The following HOXC4 variants were observed in gnomAD, a reference collection of about 807,000 sequenced individuals.
The protein encoded by HOXC4 is homeobox C4.
HOXC4 carries 15 observed loss-of-function variants against 25.5 expected under a neutral mutation model. That is an observed-to-expected ratio of 0.59 (90% confidence interval 0.39 to 0.91). The LOEUF is 0.91. Among genes scored for constraint, HOXC4 ranks in the 40% least tolerant of loss-of-function variants. The pLI, the probability that HOXC4 is intolerant of heterozygous loss-of-function variation, is 0.00. For missense variants in HOXC4, 342 were observed against 352.4 expected (o/e 0.97, Z 0.24); for synonymous variants, 165 against 148.0 (o/e 1.11, Z -0.83).
At chr12:54,050,225 T>C (rs144892269), upstream of HOXC4, among the ~76,000 whole-genome samples, 30 of 152,142 alleles carry the variant, frequency 2.0e-4, no homozygotes, top group African/African-American at 7.2e-4. Context: ...CCAGGCACAA[T>C]AAGGCCTCAC....
At chr12:54,032,940 C>T in intron 1 of HOXC4, 1 of 563,584 alleles carries the variant, frequency 1.8e-6, no homozygotes, top group Non-Finnish European at 3.1e-6. Flanking sequence ...TTATGAGTGG[C>T]CGCTCGAGTC....
chr12:54,029,201 G>A (rs1222814250), intron 1 of HOXC4, among the ~76,000 whole-genome samples: 1 of 152,162 alleles, frequency 6.6e-6, no homozygotes, highest in Non-Finnish European at 1.5e-5. Context: ...GAAGATAGGG[G>A]AGCCCCCCAA....
chr12:54,048,352 A>G (rs1380781225), intron 1 of HOXC4, among the ~76,000 whole-genome samples: 1 of 152,008 alleles, frequency 6.6e-6, no homozygotes, highest in African/African-American at 2.4e-5. Context: ...CCCCAACTTC[A>G]CTATGGTTGG....
chr12:54,029,642 C>G lies in HOXC4; in HGVS notation c.-124+12228C>G, dbSNP rs766189183. On this transcript the variant is annotated intron_variant, in intron 1 of 3. Transcript: ENST00000303406. Reference sequence around the variant, plus strand: ...CTGATTGCTTTTAGTGTGTTTTGTGCCCGGATCTTTAGGGGTCGGCTACGG... The same window carrying G: ...CTGATTGCTTTTAGTGTGTTTTGTGGCCGGATCTTTAGGGGTCGGCTACGG... 13 of 1,607,570 alleles carry G rather than the reference C, an allele frequency of 8.1e-6. No individual in the cohort carries two copies. In the South Asian group the frequency reaches 1.4e-4, roughly 18 times the overall value.
chr12:54,020,768 A>C (rs567130173), intron 1 of HOXC4: 1 of 152,282 alleles, frequency 6.6e-6, no homozygotes, highest in South Asian at 2.1e-4. Flanking sequence ...ATATGTGCTC[A>C]CTGGAATCGG....
At chr12:54,041,868 G>A (rs1261192204) in intron 1 of HOXC4, among the ~76,000 whole-genome samples, 1 of 151,900 alleles carries the variant, frequency 6.6e-6, no homozygotes, top group South Asian at 2.1e-4. Flanking sequence ...GCAGAGATGA[G>A]ATTTAATCAT....
intron 1 of HOXC4, among the ~76,000 whole-genome samples, chr12:54,047,265 A>G (rs948786875): frequency 6.6e-6 from 1 of 152,232 alleles, no homozygotes; most frequent in African/African-American, 2.4e-5. Context: ...TAACCCACAC[A>G]GGGAACGTTT....
chr12:54,041,479 G>C (rs996832772), intron 1 of HOXC4, among the ~76,000 whole-genome samples: 1 of 152,200 alleles, frequency 6.6e-6, no homozygotes, highest in Non-Finnish European at 1.5e-5. Context: ...GGCATTAAGA[G>C]TACAAGAATG....
intron 1 of HOXC4, among the ~76,000 whole-genome samples, chr12:54,027,683 T>A (rs1940784952): frequency 6.6e-6 from 1 of 151,778 alleles, no homozygotes; most frequent in Non-Finnish European, 1.5e-5. Context: ...GCTGGAAGAG[T>A]TTTCCCAACA....
rs779990967 is a variant in HOXC4, at chr12:54,055,185, G to A, written c.775G>A (p.Glu259Lys). 1 of 1,606,500 alleles carries A rather than the reference G, an allele frequency of 6.2e-7. No homozygotes were observed. The highest frequency in any genetic ancestry group is 8.5e-7 in the Non-Finnish European group (1 of 1,176,024). The change falls in exon 2 of 2, where the codon GAG (glutamate) becomes AAG (lysine). Residue 259 changes from glutamate (E) to lysine (K), a missense_variant. Transcript: ENST00000430889. ...CACGCCGCCGGAGCAGCAACGGGCA[G>A]AGGACATTACCAGGTTATAAAACAT... ...SATPPEQQRA[E>K]DITRL
chr12:54,031,052 G>C (rs935112689), intron 1 of HOXC4, among the ~76,000 whole-genome samples: 4 of 152,256 alleles, frequency 2.6e-5, no homozygotes, highest in Admixed American at 6.5e-5. Flanking sequence ...ACACCCTGCG[G>C]GAAAAAGCCG....
At chr12:54,034,490 T>C (rs1941126328) in intron 1 of HOXC4, 6 of 1,612,358 alleles carry the variant, frequency 3.7e-6, no homozygotes, top group Non-Finnish European at 5.1e-6. Flanking sequence ...AGAGGCTCTT[T>C]AGAGGCAGCG....
At chr12:54,035,100 C>G (rs559909411) in intron 1 of HOXC4, 1 of 154,166 alleles carries the variant, frequency 6.5e-6, no homozygotes, top group African/African-American at 2.4e-5. Flanking sequence ...CTCTTCCCCC[C>G]AAAACCCGGG....
chr12:54,032,937 T>G, intron 1 of HOXC4: 1 of 556,084 alleles, frequency 1.8e-6, no homozygotes, highest in South Asian at 2.7e-5. Context: ...AATTTATGAG[T>G]GGCCGCTCGA....
chr12:54,033,424 A>G, intron 1 of HOXC4: 2 of 1,606,850 alleles, frequency 1.2e-6, no homozygotes, highest in Non-Finnish European at 1.7e-6. Flanking sequence ...ATGTACAGTC[A>G]GAAGGCGGCT....
At position 54,055,147 on chromosome 12, in the gene HOXC4, A is replaced by G; in HGVS notation, c.737A>G (p.His246Arg). The change falls in exon 2 of 2, where the codon CAC (histidine) becomes CGC (arginine). Residue 246 changes from histidine (H) to arginine (R), a missense_variant. His to Arg is a conservative substitution (Grantham distance 29, BLOSUM62 0). Coordinates refer to ENST00000430889, the MANE Select transcript of HOXC4 (RefSeq NM_153633.3). ...SAATPGTSED[H>R]SQSATPPEQQ... The stretch of plus-strand genomic sequence containing the variant: ...GCTACCCCGGGTACTTCTGAAGACC[A>G]CTCCCAGAGCGCCACGCCGCCGGAG... The G allele has an allele frequency of 6.2e-7, 1 of 1,612,490 alleles. No individual in the cohort carries two copies. Among genetic ancestry groups the G allele is most frequent in the Non-Finnish European group, 8.5e-7 (1 of 1,179,560 alleles).
At chr12:54,051,033 G>A (rs1245884300), upstream of HOXC4, among the ~76,000 whole-genome samples, 2 of 152,124 alleles carry the variant, frequency 1.3e-5, no homozygotes, top group East Asian at 3.9e-4. Flanking sequence ...AAACCTGGCG[G>A]GGGTGGGATG....
At chr12:54,040,383 T>A (rs1941252593) in intron 1 of HOXC4, among the ~76,000 whole-genome samples, 1 of 152,048 alleles carries the variant, frequency 6.6e-6, no homozygotes, top group Non-Finnish European at 1.5e-5. Flanking sequence ...CCTTCCTCCC[T>A]CCCTCCCTTC....
chr12:54,053,716 GCAC>G (rs1158625446), upstream of HOXC4, among the ~76,000 whole-genome samples: 3 of 143,978 alleles, frequency 2.1e-5, no homozygotes, highest in East Asian at 6.7e-4. Context: ...CCGCCTCCCA[GCAC>G]CACCACCACC....
Sources: allele counts gnomAD v4.1 joint callset (sites outside exome capture counted in the v4.1 genomes callset), GRCh38; gene constraint gnomAD v4.1.1; transcripts MANE v1.5; gene names NCBI Gene and HGNC (gene_info 2026-07-23, HGNC 2026-07-21).